Variants in RBFOX1 observed in about 807,000 individuals in gnomAD.
RBFOX1 encodes RNA binding fox-1 homolog 1.
Under a neutral mutation model 57.7 loss-of-function variants are expected in RBFOX1, and 8 were observed. The observed-to-expected ratio is 0.14, with a 90% CI of 0.08 to 0.25. The LOEUF is 0.25. Ranked by LOEUF, RBFOX1 falls within the 10% of genes least tolerant of loss-of-function variation. The pLI is 1.00. For synonymous variants in RBFOX1, 326 were observed against 222.4 expected (o/e 1.47, Z -4.15); for missense variants, 611 against 548.5 (o/e 1.11, Z -1.14).
intron 1 of RBFOX1, among the ~76,000 whole-genome samples, chr16:6,216,218 A>G (rs1249046655): frequency 6.6e-6 from 1 of 152,122 alleles, no homozygotes; most frequent in East Asian, 1.9e-4. Context: ...AATCTGAACA[A>G]CAACCCCCCA....
chr16:5,553,021 C>G (rs2045523945), intron 2 of RBFOX1, among the ~76,000 whole-genome samples: 1 of 152,142 alleles, frequency 6.6e-6, no homozygotes, highest in Admixed American at 6.5e-5. Flanking sequence ...TCTCAGCAAA[C>G]TGTCACAAGG....
At chr16:6,898,516 A>T (rs1407109992) in intron 3 of RBFOX1, among the ~76,000 whole-genome samples, 1 of 152,176 alleles carries the variant, frequency 6.6e-6, no homozygotes, top group African/African-American at 2.4e-5. Context: ...CAAACTGAAA[A>T]ACAAAGTACA....
At chr16:6,304,757 C>T (rs563245172) in intron 1 of RBFOX1, among the ~76,000 whole-genome samples, 10 of 150,864 alleles carry the variant, frequency 6.6e-5, no homozygotes, top group African/African-American at 2.0e-4. Context: ...CGGTGGTGCA[C>T]GCCTGTGGTG....
chr16:6,068,747 G>A (rs772853597), intron 1 of RBFOX1, among the ~76,000 whole-genome samples: 23 of 152,126 alleles, frequency 1.5e-4, no homozygotes, highest in Non-Finnish European at 3.4e-4. Flanking sequence ...ACACTTACAG[G>A]TAGACATATA....
intron 13 of RBFOX1, among the ~76,000 whole-genome samples, chr16:7,675,735 C>G (rs2191135): frequency 0.03 from 4,613 of 151,796 alleles, 151 homozygotes; most frequent in East Asian, 0.19. Flanking sequence ...TACCTTCTCA[C>G]ACACTACTTT....
rs1048120894 is a variant in RBFOX1 at position 5,738,069 on chromosome 16, A to G, written c.319-129234A>G. Among the ~76,000 whole-genome samples, 18 of 139,992 alleles carry G rather than the reference A, an allele frequency of 1.3e-4. 1 individual carries two copies. In the South Asian group the frequency reaches 2.6e-3, roughly 20 times the overall value. The allele number at this position is 139,992 out of a possible 152,430, so 91.8% of individuals were successfully genotyped here. A position where few individuals can be genotyped will look rare whatever the true frequency, so the allele number is the denominator to read the frequency against. Reference sequence around the variant, plus strand: ...CCCTTCCCTGTGTCCATGTGTTCTCATTGTTCAACTCTCACTTATGAGTGA... The same window carrying G: ...CCCTTCCCTGTGTCCATGTGTTCTCGTTGTTCAACTCTCACTTATGAGTGA... On this transcript the variant is annotated intron_variant, in intron 3 of 19. Coordinates refer to the RBFOX1 transcript ENST00000641259.
intron 2 of RBFOX1, among the ~76,000 whole-genome samples, chr16:6,335,484 A>G (rs2083515136): frequency 6.6e-6 from 1 of 152,132 alleles, no homozygotes; most frequent in Non-Finnish European, 1.5e-5. Context: ...AGTAAATATG[A>G]AAATAAAAAA....
rs114834152 is a variant in RBFOX1 at position 6,950,742 on chromosome 16, G to A, written c.-15-101315G>A. On this transcript the variant is annotated intron_variant, in intron 3 of 15. Coordinates refer to ENST00000550418, the MANE Select transcript of RBFOX1 (RefSeq NM_018723.4). Reference sequence around the variant, plus strand: ...ATGCTGGGAAAGGGAGGAGATTTGCGGCCATGTAATATGGGTAGGTGAATT... The same window carrying A: ...ATGCTGGGAAAGGGAGGAGATTTGCAGCCATGTAATATGGGTAGGTGAATT... Among the ~76,000 whole-genome samples the A allele has an allele frequency of 3.1e-3, 465 of 152,180 alleles. 3 individuals carry two copies. Among genetic ancestry groups the A allele is most frequent in the African/African-American group, 0.011 (445 of 41,536 alleles).
intron 14 of RBFOX1, among the ~76,000 whole-genome samples, chr16:7,702,856 T>C (rs542886536): frequency 6.6e-6 from 1 of 151,934 alleles, no homozygotes; most frequent in Admixed American, 6.6e-5. Context: ...TATTTTTCAT[T>C]TGGAAAAGTC....
intron 1 of RBFOX1, among the ~76,000 whole-genome samples, chr16:5,327,143 G>C (rs1053133184): frequency 3.3e-5 from 5 of 152,200 alleles, no homozygotes; most frequent in Admixed American, 2.6e-4. Context: ...GGCAGTTTCT[G>C]AGTGATCATT....
In RBFOX1 at chr16:7,333,226, A is replaced by G. The variant is rs149819342; in HGVS notation, c.28-184921A>G. The stretch of plus-strand genomic sequence containing the variant: ...GTAGTCAGTGAGAAGACAGTAGGAA[A>G]TCAAAAAGATGGATCACCCTAATCT... On this transcript the variant is annotated intron_variant, in intron 4 of 15. Transcript: ENST00000550418. 17 of 729,872 alleles carry G rather than the reference A, an allele frequency of 2.3e-5. No individual in the cohort carries two copies. The African/African-American group carries it at 2.8e-4, about 12-fold the overall frequency. The allele number at this position is 729,872 out of a possible 1,614,324, so 45.2% of individuals were successfully genotyped here. A position where few individuals can be genotyped will look rare whatever the true frequency, so the allele number is the denominator to read the frequency against.
intron 12 of RBFOX1, among the ~76,000 whole-genome samples, chr16:7,664,471 A>ATACTG (rs1364050175): frequency 6.6e-6 from 1 of 152,338 alleles, no homozygotes; most frequent in African/African-American, 2.4e-5. Flanking sequence ...GCTCTAGCCC[A>ATACTG]TACTGAGAAT....
At chr16:7,261,895 G>A (rs1035368364) in intron 4 of RBFOX1, among the ~76,000 whole-genome samples, 1 of 152,172 alleles carries the variant, frequency 6.6e-6, no homozygotes, top group African/African-American at 2.4e-5. Context: ...TCAATAGTGT[G>A]AAAAGCCCTC....
intron 3 of RBFOX1, among the ~76,000 whole-genome samples, chr16:6,694,188 C>T (rs145429565): frequency 1.3e-5 from 2 of 152,154 alleles, no homozygotes; most frequent in Non-Finnish European, 2.9e-5. Context: ...TAAATAATCC[C>T]TTTAGGGCAA....
intron 12 of RBFOX1, among the ~76,000 whole-genome samples, chr16:7,664,187 C>T (rs371697790): frequency 3.9e-4 from 59 of 152,318 alleles, no homozygotes; most frequent in East Asian, 3.1e-3. Flanking sequence ...TGTTTACATA[C>T]GTGTATACAC....
intron 4 of RBFOX1, among the ~76,000 whole-genome samples, chr16:7,262,917 C>G (rs938808044): frequency 6.6e-6 from 1 of 152,152 alleles, no homozygotes; most frequent in Non-Finnish European, 1.5e-5. Flanking sequence ...TGTGGAGAGG[C>G]CTGCAGTTCA....
intron 3 of RBFOX1, among the ~76,000 whole-genome samples, chr16:5,816,651 G>A (rs1244850036): frequency 1.3e-5 from 2 of 152,090 alleles, no homozygotes; most frequent in Admixed American, 6.5e-5. Context: ...AGATGTCATG[G>A]ATTGTGCCTA....
At chr16:7,101,787 T>C (rs1017832870) in intron 4 of RBFOX1, among the ~76,000 whole-genome samples, 3 of 152,160 alleles carry the variant, frequency 2.0e-5, no homozygotes, top group Non-Finnish European at 4.4e-5. Flanking sequence ...CTTTTAATGT[T>C]AGAATGTGGC....
At chr16:7,529,479 A>G (rs1226094872) in intron 5 of RBFOX1, among the ~76,000 whole-genome samples, 1 of 152,222 alleles carries the variant, frequency 6.6e-6, no homozygotes, top group African/African-American at 2.4e-5. Flanking sequence ...TCCTGTCCAC[A>G]GGATGTGGTC....
Sources: allele counts gnomAD v4.1 joint callset (sites outside exome capture counted in the v4.1 genomes callset), GRCh38; gene constraint gnomAD v4.1.1; transcripts MANE v1.5; gene names NCBI Gene and HGNC (gene_info 2026-07-23, HGNC 2026-07-21).